Variants in RBM17 observed in about 807,000 individuals in gnomAD.
RBM17 encodes the protein splicing factor 45.
A neutral mutation model predicts 53.2 loss-of-function variants in RBM17; 7 were observed. That is an observed-to-expected ratio of 0.13 (90% CI 0.07 to 0.25). RBM17 has a LOEUF of 0.25. Ranked by LOEUF, RBM17 falls within the 10% of genes least tolerant of loss-of-function variation. The pLI is 1.00. For synonymous variants in RBM17, 167 were observed against 178.1 expected (o/e 0.94, Z 0.50); for missense variants, 257 against 496.7 (o/e 0.52, Z 4.59).
chr10:6,106,573 A>G (rs944446068), intron 5 of RBM17, among the ~76,000 whole-genome samples: 6 of 152,230 alleles, frequency 3.9e-5, no homozygotes, highest in Non-Finnish European at 7.3e-5. Context: ...GGGGGGAAGC[A>G]TAGTTAACAT....
intron 3 of RBM17, among the ~76,000 whole-genome samples, chr10:6,104,284 A>G (rs1840713299): frequency 6.6e-6 from 1 of 152,216 alleles, no homozygotes; most frequent in Non-Finnish European, 1.5e-5. Flanking sequence ...TTCTGAATGT[A>G]TAGACGAGAA....
In RBM17 at chr10:6,108,740, A is replaced by G; in HGVS notation, c.560A>G (p.Glu187Gly). 6.2e-7 allele frequency: 1 copy of G among 1,610,170 alleles called. No homozygotes were observed. ...ACTTCTCTGGTAGAGAAAGACAAAG[A>G]GTGTAAGTAGATCTGTTTCTTCCTC... ...PPTSLVEKDK[E>G]LPRDFPYEED... is the part of the protein sequence containing the mutation. Residue 187 changes from glutamate to glycine, a missense_variant and splice_region_variant, in exon 6 of 12, where the codon GAG becomes GGG. Physicochemically the swap from Glu to Gly is moderately conservative, Grantham distance 98. This residue lies in a region of RBM17 where 68 missense variants were observed against 60.0 expected (regional missense o/e 1.13). Coordinates refer to ENST00000379888, the MANE Select transcript of RBM17 (RefSeq NM_032905.5).
At chr10:6,108,637 A>G in intron 5 of RBM17, 49 bp from the exon 6 acceptor site, 1 of 1,480,094 alleles carries the variant, frequency 6.8e-7, no homozygotes, top group Non-Finnish European at 9.4e-7. Context: ...GTCGTTTGGG[A>G]GTCTGGCATC....
chr10:6,092,147 A>G (rs1332885156), intron 1 of RBM17, among the ~76,000 whole-genome samples: 1 of 152,246 alleles, frequency 6.6e-6, no homozygotes, highest in African/African-American at 2.4e-5. Flanking sequence ...AATATTTTAA[A>G]GTTATAAAAA....
chr10:6,111,625 C>T (rs1009138389), intron 7 of RBM17, among the ~76,000 whole-genome samples: 6 of 152,204 alleles, frequency 3.9e-5, no homozygotes, highest in African/African-American at 1.4e-4. Context: ...TAAGTGTGAT[C>T]AACTGCACCC....
At chr10:6,108,915 CAG>C (rs1840796773) in intron 6 of RBM17, among the ~76,000 whole-genome samples, 173 bp downstream of exon 6, 1 of 152,214 alleles carries the variant, frequency 6.6e-6, no homozygotes, top group Non-Finnish European at 1.5e-5. Context: ...CGCCCTCCTG[CAG>C]AGAGAGACCT....
rs999070656 is a variant in RBM17 at position 6,113,575 on chromosome 10, A to G, written c.924A>G (p.Leu308=). 7 of 1,610,504 alleles carry G rather than the reference A, an allele frequency of 4.3e-6. No individual in the cohort carries two copies. The highest frequency in any genetic ancestry group is 5.1e-6 in the Non-Finnish European group (6 of 1,176,846). ...TTAAGTGTCCTACTAAAGTGGTCTT[A>G]CTAAGGGTAAGAAGCTGAGGAAAGC... The part of the protein sequence containing the change: ...EILKCPTKVV[L]LRNMVGAGEV... Residue 308 remains leucine, a synonymous_variant, in exon 9 of 12, where the codon TTA becomes TTG. Transcript: ENST00000379888.
intron 8 of RBM17, chr10:6,113,269 G>A (rs1840866466): frequency 2.7e-6 from 1 of 369,158 alleles, no homozygotes; most frequent in Non-Finnish European, 5.0e-6. Context: ...GCAAGTAATG[G>A]TGGAGGCTCA....
chr10:6,103,218 C>T (rs1840695424), intron 3 of RBM17, among the ~76,000 whole-genome samples: 1 of 152,206 alleles, frequency 6.6e-6, no homozygotes, highest in East Asian at 1.9e-4. Flanking sequence ...TTACTCCCAG[C>T]AGTGCACAGT....
At position 6,115,315 on chromosome 10, in the gene RBM17, A is replaced by T. The variant is rs946365418; in HGVS notation, c.1102+4A>T. 5 of 1,606,672 alleles carry T rather than the reference A, an allele frequency of 3.1e-6. No individual in the cohort carries two copies. Among genetic ancestry groups the T allele is most frequent in the Non-Finnish European group, 4.3e-6 (5 of 1,173,432 alleles). The stretch of plus-strand genomic sequence containing the variant: ...AGAGTTGAATCAGCAATTAAAGGTT[A>T]GTGGTACAGCTAAATATTAAAGAAT... On this transcript the variant is annotated splice_donor_region_variant and intron_variant, in intron 11 of 11. Coordinates refer to ENST00000379888, the MANE Select transcript of RBM17 (RefSeq NM_032905.5).
At chr10:6,093,806 G>T (rs570254916) in intron 1 of RBM17, among the ~76,000 whole-genome samples, 1 of 152,194 alleles carries the variant, frequency 6.6e-6, no homozygotes, top group East Asian at 1.9e-4. Context: ...ATACCTTGAG[G>T]ATGCGACCCA....
At chr10:6,113,976 A>T in intron 9 of RBM17, 73 bp from the exon 10 acceptor site, 1 of 954,580 alleles carries the variant, frequency 1.0e-6, no homozygotes, top group East Asian at 2.6e-5. Context: ...TCACTAAGTC[A>T]TATTTATATA....
chr10:6,106,543 C>T (rs1840750912), intron 5 of RBM17, among the ~76,000 whole-genome samples: 1 of 152,190 alleles, frequency 6.6e-6, no homozygotes, highest in South Asian at 2.1e-4. Context: ...GATGCTGAAT[C>T]CACTCTGTTG....
intron 11 of RBM17, 36 bp downstream of exon 11, chr10:6,115,347 G>A (rs1313267957): frequency 6.3e-7 from 1 of 1,577,820 alleles, no homozygotes; most frequent in African/African-American, 1.4e-5. Flanking sequence ...GAATAAAAAA[G>A]TTGAATTTAC....
intron 2 of RBM17, among the ~76,000 whole-genome samples, chr10:6,099,757 A>ATAC (rs1424544524): frequency 6.6e-6 from 1 of 152,178 alleles, no homozygotes; most frequent in Non-Finnish European, 1.5e-5. Flanking sequence ...AATAATAATA[A>ATAC]TAGAAAATAT....
At chr10:6,099,140 T>C (rs912913406) in intron 2 of RBM17, among the ~76,000 whole-genome samples, 3 of 150,838 alleles carry the variant, frequency 2.0e-5, no homozygotes, top group African/African-American at 7.3e-5. Flanking sequence ...TCATGTAACT[T>C]TTGCTTTGCA....
intron 3 of RBM17, among the ~76,000 whole-genome samples, chr10:6,102,981 G>C (rs1949272835): frequency 6.6e-6 from 1 of 152,044 alleles, no homozygotes; most frequent in African/African-American, 2.4e-5. Context: ...TTGTAGAGAT[G>C]AGGTTTCACC....
chr10:6,103,197 C>T (rs1840695066), intron 3 of RBM17, among the ~76,000 whole-genome samples: 1 of 152,152 alleles, frequency 6.6e-6, no homozygotes, highest in African/African-American at 2.4e-5. Flanking sequence ...CCAATCTGTT[C>T]TGGCACCAGT....
At chr10:6,091,806 A>C (rs1840490335) in intron 1 of RBM17, among the ~76,000 whole-genome samples, 1 of 143,132 alleles carries the variant, frequency 7.0e-6, no homozygotes, top group Non-Finnish European at 1.5e-5. Context: ...AGGCAGCATA[A>C]CTTGCCAAGG....
Sources: allele counts gnomAD v4.1 joint callset (sites outside exome capture counted in the v4.1 genomes callset), GRCh38; gene constraint gnomAD v4.1.1; regional missense constraint gnomAD v4.1.1; transcripts MANE v1.5; gene names NCBI Gene and HGNC (gene_info 2026-07-23, HGNC 2026-07-21).